IL1RAPL1: variants seen among roughly 807,000 people sequenced by gnomAD.
IL1RAPL1 encodes interleukin-1 receptor accessory protein-like 1.
Under a neutral mutation model 48.4 loss-of-function variants are expected in IL1RAPL1, and 3 were observed. That is an observed-to-expected ratio of 0.06 (90% CI 0.03 to 0.16). IL1RAPL1 has a LOEUF of 0.16. Ranked by LOEUF, IL1RAPL1 falls within the 10% of genes least tolerant of loss-of-function variation. IL1RAPL1 has a pLI of 1.00. For missense variants in IL1RAPL1, 349 were observed against 530.6 expected (o/e 0.66, Z 3.36); for synonymous variants, 185 against 187.7 (o/e 0.99, Z 0.12).
chrX:28,971,016 A>G (rs1475178486), intron 2 of IL1RAPL1, among the ~76,000 whole-genome samples: 1 of 111,769 alleles, frequency 8.9e-6, no homozygotes, highest in African/African-American at 3.3e-5. Context: ...CATGAAAAAC[A>G]AATCAAAAGG....
intron 2 of IL1RAPL1, among the ~76,000 whole-genome samples, chrX:29,007,491 T>C (rs1926011755): frequency 8.9e-6 from 1 of 112,016 alleles, no homozygotes; most frequent in African/African-American, 3.2e-5. Flanking sequence ...TGGTAGAATA[T>C]AGAGATCAGC....
chrX:29,857,717 T>G (rs1474337470), intron 6 of IL1RAPL1, among the ~76,000 whole-genome samples: 1 of 111,638 alleles, frequency 9.0e-6, no homozygotes, highest in Non-Finnish European at 1.9e-5. Context: ...AATATGAATT[T>G]TATTTGACAC....
At chrX:28,632,936 T>C (rs1331110590) in intron 1 of IL1RAPL1, among the ~76,000 whole-genome samples, 1 of 97,731 alleles carries the variant, frequency 1.0e-5, no homozygotes, top group Admixed American at 1.2e-4. Flanking sequence ...TCAACCAGGC[T>C]GGAGTGTGGT....
chrX:29,575,537 C>CT, intron 5 of IL1RAPL1, among the ~76,000 whole-genome samples: 1 of 112,063 alleles, frequency 8.9e-6, no homozygotes, highest in Non-Finnish European at 1.9e-5. Context: ...CTGCTTTGTT[C>CT]TAGCTGCACT....
intron 2 of IL1RAPL1, among the ~76,000 whole-genome samples, chrX:29,190,460 T>C (rs1054496039): frequency 7.1e-5 from 8 of 112,398 alleles, no homozygotes; most frequent in Non-Finnish European, 1.5e-4. Flanking sequence ...TTAACTTATG[T>C]TGGTGTTAAG....
At chrX:29,707,007 C>T (rs1228840074) in intron 6 of IL1RAPL1, among the ~76,000 whole-genome samples, 4 of 111,608 alleles carry the variant, frequency 3.6e-5, no homozygotes, top group African/African-American at 6.5e-5. Context: ...ACAGACAACC[C>T]GCAGAGTGGG....
chrX:28,943,340 T>G (rs1924213432), intron 2 of IL1RAPL1, among the ~76,000 whole-genome samples: 1 of 110,340 alleles, frequency 9.1e-6, no homozygotes, highest in South Asian at 3.7e-4. Context: ...GAGTGTCATT[T>G]TGAAGAATTT....
chrX:29,434,182 T>A, intron 5 of IL1RAPL1, among the ~76,000 whole-genome samples: 1 of 110,538 alleles, frequency 9.0e-6, no homozygotes, highest in Non-Finnish European at 1.9e-5. Flanking sequence ...AACATTCTAA[T>A]GTATTCTTTT....
At chrX:29,227,341 A>C (rs1197762501) in intron 2 of IL1RAPL1, among the ~76,000 whole-genome samples, 10 of 111,420 alleles carry the variant, frequency 9.0e-5, no homozygotes, top group African/African-American at 3.2e-4. Context: ...AAAGTTGTTG[A>C]ATGTTATTGT....
At chrX:29,585,902 T>C (rs1923141256) in intron 5 of IL1RAPL1, among the ~76,000 whole-genome samples, 1 of 112,194 alleles carries the variant, frequency 8.9e-6, no homozygotes, top group African/African-American at 3.2e-5. Flanking sequence ...TTGTTTGCTA[T>C]TGAGTTGTAG....
chrX:29,626,712 T>C (rs1924626484), intron 5 of IL1RAPL1, among the ~76,000 whole-genome samples: 1 of 112,176 alleles, frequency 8.9e-6, no homozygotes, highest in Non-Finnish European at 1.9e-5. Flanking sequence ...CAACGTCTTG[T>C]TTCTCTACAG....
chrX:28,831,026 CTGTGTGTGTG>C (rs57923954), intron 2 of IL1RAPL1, among the ~76,000 whole-genome samples: 350 of 33,573 alleles, frequency 0.01, 16 homozygotes, highest in African/African-American at 0.046. Context: ...CTCTCTCTCT[CTGTGTGTGTG>C]TGTGTGTGTG....
chrX:29,255,147 G>GTGTT (rs1427708132), intron 2 of IL1RAPL1, among the ~76,000 whole-genome samples: 1 of 105,598 alleles, frequency 9.5e-6, no homozygotes, highest in East Asian at 2.9e-4. Flanking sequence ...GTGTGCGTGT[G>GTGTT]TGTGTGTGTG....
chrX:28,841,746 C>T (rs1282812509), intron 2 of IL1RAPL1, among the ~76,000 whole-genome samples: 1 of 109,817 alleles, frequency 9.1e-6, no homozygotes, highest in Non-Finnish European at 1.9e-5. Context: ...AAACAAAAGG[C>T]CAAGTCTGGA....
chrX:28,654,152 C>CT (rs1934722390), intron 1 of IL1RAPL1, among the ~76,000 whole-genome samples: 1 of 86,941 alleles, frequency 1.2e-5, no homozygotes, highest in Non-Finnish European at 2.2e-5. Context: ...TGTGCTCTTT[C>CT]TTTTTTTCTA....
At chrX:28,990,981 G>A (rs1925590355) in intron 2 of IL1RAPL1, among the ~76,000 whole-genome samples, 1 of 111,877 alleles carries the variant, frequency 8.9e-6, no homozygotes, top group East Asian at 2.8e-4. Flanking sequence ...AAATGTATAT[G>A]AACATATACA....
intron 2 of IL1RAPL1, among the ~76,000 whole-genome samples, chrX:28,947,733 G>A (rs1233395123): frequency 9.0e-6 from 1 of 111,725 alleles, no homozygotes; most frequent in Admixed American, 9.5e-5. Context: ...TTACTGTTTA[G>A]CATGTAATAC....
intron 1 of IL1RAPL1, among the ~76,000 whole-genome samples, chrX:28,734,160 T>G (rs1240931300): frequency 1.8e-5 from 2 of 111,568 alleles, no homozygotes; most frequent in African/African-American, 6.5e-5. Flanking sequence ...TCTCCTGAAT[T>G]TATGTGATGA....
intron 6 of IL1RAPL1, among the ~76,000 whole-genome samples, chrX:29,848,278 T>G (rs1290045673): frequency 9.0e-6 from 1 of 111,298 alleles, no homozygotes; most frequent in Non-Finnish European, 1.9e-5. Flanking sequence ...CCCTTTTATT[T>G]CCAGTTTAAT....
Sources: allele counts gnomAD v4.1 joint callset (sites outside exome capture counted in the v4.1 genomes callset), GRCh38; gene constraint gnomAD v4.1.1; transcripts MANE v1.5; gene names NCBI Gene and HGNC (gene_info 2026-07-23, HGNC 2026-07-21).